LRRC7: variants seen among roughly 807,000 people sequenced by gnomAD.
The protein encoded by LRRC7 is leucine rich repeat containing 7.
Under a neutral mutation model 175.7 loss-of-function variants are expected in LRRC7, and 23 were observed. The ratio of observed to expected loss-of-function variants is 0.13; its 90% CI spans 0.09 to 0.19. The LOEUF (loss-of-function observed/expected upper bound fraction) is 0.19, where lower values mean the gene tolerates loss of function less well. Ranked by LOEUF, LRRC7 falls within the 10% of genes least tolerant of loss-of-function variation. The probability of loss-of-function intolerance (pLI) is 1.00; values close to 1 mark genes in which losing one functional copy is unlikely to be tolerated. For synonymous variants in LRRC7, 685 were observed against 680.9 expected (o/e 1.01, Z -0.09); for missense variants, 1,354 against 1,904.7 (o/e 0.71, Z 5.38).
chr1:69,687,512 G>GA (rs1187729455), intron 2 of LRRC7, among the ~76,000 whole-genome samples: 51 of 17,288 alleles, frequency 3.0e-3, no homozygotes, highest in Admixed American at 6.8e-3. Flanking sequence ...TCCATCTCAA[G>GA]AAAAAACCAA....
At chr1:70,051,611 C>A (rs556658165) in intron 22 of LRRC7, among the ~76,000 whole-genome samples, 15 of 151,834 alleles carry the variant, frequency 9.9e-5, no homozygotes, top group Non-Finnish European at 1.9e-4. Context: ...TAAACACACA[C>A]CAATTCATTC....
intron 1 of LRRC7, among the ~76,000 whole-genome samples, chr1:69,631,259 C>A (rs1281608383): frequency 6.6e-6 from 1 of 152,088 alleles, no homozygotes; most frequent in African/African-American, 2.4e-5. Flanking sequence ...TGCAAATGAC[C>A]AAAGTAAGCA....
At chr1:69,569,527 T>C (rs1457604139) in intron 1 of LRRC7, among the ~76,000 whole-genome samples, 1 of 151,462 alleles carries the variant, frequency 6.6e-6, no homozygotes, top group Non-Finnish European at 1.5e-5. Context: ...CCCTGGCTCG[T>C]GGACTATTAG....
intron 2 of LRRC7, among the ~76,000 whole-genome samples, chr1:69,682,129 C>T (rs1407712413): frequency 6.6e-6 from 1 of 152,084 alleles, no homozygotes; most frequent in African/African-American, 2.4e-5. Context: ...CTTTTAGGTT[C>T]TAGAGGACTC....
chr1:69,807,085 TA>T (rs1677206605), intron 4 of LRRC7, among the ~76,000 whole-genome samples: 1 of 152,100 alleles, frequency 6.6e-6, no homozygotes. Context: ...TTTGTTGGTT[TA>T]AAGTATGTTT....
rs1278139301 is a variant in LRRC7 at position 70,039,645 on chromosome 1, A to C, written c.3821A>C (p.Asn1274Thr). 6.2e-7 allele frequency: 1 copy of C among 1,614,118 alleles called. No individual in the cohort carries two copies. The highest frequency in any genetic ancestry group is 8.5e-7 in the Non-Finnish European group (1 of 1,180,006). ...TTGGAAAAAATACCATCTGACTATA[A>C]CTTGGGTAACTATGGTGACAAGCCA... ...ALLEKIPSDY[N>T]LGNYGDKPSD... Residue 1274 changes from asparagine (N) to threonine (T), a missense_variant, in exon 21 of 27, where the codon AAC becomes ACC. Physicochemically the swap from Asn to Thr is moderately conservative, Grantham distance 65. Coordinates refer to ENST00000651989, the MANE Select transcript of LRRC7 (RefSeq NM_001370785.2).
intron 24 of LRRC7, among the ~76,000 whole-genome samples, chr1:70,078,800 GCGCGCGCGCGCACACACACACACGCACA>G (rs1662980279): frequency 9.8e-6 from 1 of 102,548 alleles, no homozygotes; most frequent in Non-Finnish European, 1.8e-5. Flanking sequence ...ATACGCGCGC[GCGCGCGCGCGCACACACACACACGCACA>G]CACACACACA....
chr1:69,813,038 T>C (rs1026060169), intron 4 of LRRC7, among the ~76,000 whole-genome samples: 6 of 152,068 alleles, frequency 3.9e-5, no homozygotes, highest in African/African-American at 1.2e-4. Context: ...ACCCCAAATA[T>C]CTGACCCCAT....
chr1:70,053,235 C>A (rs1660879264), intron 23 of LRRC7, 90 bp downstream of exon 23: 1 of 1,224,112 alleles, frequency 8.2e-7, no homozygotes, highest in Admixed American at 2.8e-5. Flanking sequence ...ATCATAATTT[C>A]TAAGTTTGTG....
At chr1:69,888,704 A>C (rs1218902313) in intron 7 of LRRC7, among the ~76,000 whole-genome samples, 1 of 152,080 alleles carries the variant, frequency 6.6e-6, no homozygotes, top group Non-Finnish European at 1.5e-5. Context: ...ACATGATCTC[A>C]TTTATAGGTG....
At chr1:69,981,539 A>G (rs1653430319) in intron 9 of LRRC7, among the ~76,000 whole-genome samples, 3 of 152,200 alleles carry the variant, frequency 2.0e-5, no homozygotes, top group African/African-American at 7.2e-5. Flanking sequence ...AGCTCTATGA[A>G]TCAGAAACTA....
intron 26 of LRRC7, among the ~76,000 whole-genome samples, chr1:70,117,189 TCC>T (rs1438246214): frequency 6.6e-6 from 1 of 152,180 alleles, no homozygotes; most frequent in Non-Finnish European, 1.5e-5. Context: ...AACTGTGCTG[TCC>T]TCCCTGTTGG....
chr1:69,633,932 T>A (rs977012413), intron 1 of LRRC7, among the ~76,000 whole-genome samples: 1 of 152,132 alleles, frequency 6.6e-6, no homozygotes, highest in Non-Finnish European at 1.5e-5. Context: ...TTACATTTAA[T>A]CTTTCCTGTC....
chr1:70,082,781 A>ATCTTTTT lies in LRRC7; in HGVS notation c.4452+6484_4452+6485insCTTTTTT, dbSNP rs1553201466. ...TATTAGTCAATCTTGATACCAGTAC[A>ATCTTTTT]TTTTTTTTTTTTTTTTTTTTTTTTT... On this transcript the variant is annotated intron_variant, in intron 24 of 26. Coordinates refer to ENST00000651989, the MANE Select transcript of LRRC7 (RefSeq NM_001370785.2). Among the ~76,000 whole-genome samples, 120 of 52,308 alleles carry ATCTTTTT rather than the reference A, an allele frequency of 2.3e-3. 41 individuals carry two copies. The highest frequency in any genetic ancestry group is 5.7e-3 in the East Asian group (8 of 1,408). The allele number at this position is 52,308 out of a possible 152,430, so 34.3% of individuals were successfully genotyped here.
intron 20 of LRRC7, among the ~76,000 whole-genome samples, chr1:70,037,344 C>T (rs528137468): frequency 3.9e-5 from 6 of 152,260 alleles, no homozygotes; most frequent in Admixed American, 1.3e-4. Flanking sequence ...AGTAACTTTT[C>T]CTAATCATTG....
intron 2 of LRRC7, among the ~76,000 whole-genome samples, chr1:69,754,040 A>G (rs1273774125): frequency 1.3e-5 from 2 of 152,068 alleles, no homozygotes; most frequent in African/African-American, 4.8e-5. Context: ...AAGAGCACAG[A>G]AAGCAATGAG....
chr1:69,672,241 T>G (rs977246367), intron 1 of LRRC7, among the ~76,000 whole-genome samples: 1 of 149,512 alleles, frequency 6.7e-6, no homozygotes, highest in African/African-American at 2.4e-5. Flanking sequence ...GCCCTTCTAC[T>G]TAATACATTT....
In LRRC7 at chr1:69,581,397, G is replaced by A. The variant is rs915356090; in HGVS notation, c.2+12756G>A. On this transcript the variant is annotated intron_variant, in intron 1 of 26. Transcript: ENST00000651989. ...TGAAAGTGAAATAAGCTTTGTAGAA[G>A]GTATTGGATTCACTGCTGAATTGAT... Among the ~76,000 whole-genome samples the A allele has an allele frequency of 4.6e-5, 7 of 152,144 alleles. No homozygotes were observed. The South Asian group carries it at 1.2e-3, about 27-fold the overall frequency.
At chr1:69,570,550 T>A (rs968802869) in intron 1 of LRRC7, among the ~76,000 whole-genome samples, 1 of 151,356 alleles carries the variant, frequency 6.6e-6, no homozygotes, top group Non-Finnish European at 1.5e-5. Context: ...CTTCAGAACC[T>A]GCTGTGATTC....
Sources: allele counts gnomAD v4.1 joint callset (sites outside exome capture counted in the v4.1 genomes callset), GRCh38; gene constraint gnomAD v4.1.1; transcripts MANE v1.5; gene names NCBI Gene and HGNC (gene_info 2026-07-23, HGNC 2026-07-21).